Variants in RGS22 observed in about 807,000 individuals in gnomAD.
RGS22 encodes the protein regulator of G protein signaling 22.
RGS22 carries 148 observed loss-of-function variants against 172.9 expected under a neutral mutation model. That is an observed-to-expected ratio of 0.86 (90% CI 0.75 to 0.98). RGS22 has a LOEUF of 0.98. Ranked by LOEUF, RGS22 falls within the 50% of genes least tolerant of loss-of-function variation. RGS22 has a pLI of 0.00. For missense variants in RGS22, 1,347 were observed against 1,440.8 expected (o/e 0.93, Z 1.05); for synonymous variants, 458 against 480.2 (o/e 0.95, Z 0.60).
rs1376450644 is a variant in RGS22, at chr8:100,041,839, T to TG, written c.1900dup (p.Gln634ProfsTer4). ...TGTATAAGCGTATCTTCTATCCAGC[T>TG]GGGGCTTGAGACATTCAGAAATGTC... On this transcript the variant is annotated frameshift_variant, in exon 12 of 28. Coordinates refer to ENST00000360863, the MANE Select transcript of RGS22 (RefSeq NM_015668.5). LOFTEE classifies it high-confidence loss of function. 1 of 1,612,996 alleles carries TG rather than the reference T, an allele frequency of 6.2e-7. No homozygotes were observed. Among genetic ancestry groups the TG allele is most frequent in the South Asian group, 1.1e-5 (1 of 91,052 alleles).
chr8:99,976,537 A>AT (rs1399524379), intron 23 of RGS22, among the ~76,000 whole-genome samples: 3 of 151,910 alleles, frequency 2.0e-5, no homozygotes, highest in Non-Finnish European at 4.4e-5. Flanking sequence ...AATTTTTTGT[A>AT]TTTTTAGTAG....
At chr8:100,011,589 G>A (rs1417438668) in intron 14 of RGS22, among the ~76,000 whole-genome samples, 1 of 152,112 alleles carries the variant, frequency 6.6e-6, no homozygotes, top group East Asian at 1.9e-4. Context: ...AGGAGACAAG[G>A]ATTATAGTTC....
At position 100,002,106 on chromosome 8, in the gene RGS22, A is replaced by C. The variant is rs990012525; in HGVS notation, c.2790+96T>G. The stretch of plus-strand genomic sequence containing the variant: ...TTAACACATTAGTCATAAGCAAAAG[A>C]AAATAAAATAAGAGACTTTCAGGTT... On this transcript the variant is annotated intron_variant, in intron 18 of 27. Coordinates refer to ENST00000360863, the MANE Select transcript of RGS22 (RefSeq NM_015668.5). 3.2e-6 allele frequency: 3 copies of C among 945,338 alleles called. No individual in the cohort carries two copies. In the African/African-American group the frequency reaches 5.0e-5, roughly 16 times the overall value. 58.6% of individuals were successfully genotyped at this position (945,338 alleles called of 1,614,324 possible). A position where few individuals can be genotyped will look rare whatever the true frequency, so the allele number is the denominator to read the frequency against.
At chr8:100,042,439 C>G (rs1184859331) in intron 11 of RGS22, among the ~76,000 whole-genome samples, 1 of 152,088 alleles carries the variant, frequency 6.6e-6, no homozygotes, top group East Asian at 1.9e-4. Context: ...TACTACATAC[C>G]AAACACTGTG....
At chr8:100,029,605 A>G (rs1482144813) in intron 14 of RGS22, among the ~76,000 whole-genome samples, 1 of 151,772 alleles carries the variant, frequency 6.6e-6, no homozygotes, top group African/African-American at 2.4e-5. Context: ...TGGGAGGCTG[A>G]AGCAGGAGAA....
rs189661612 is a variant in RGS22, at chr8:100,074,961, G to A, written c.340-2731C>T. ...TTTTTTTTGTATTTTTGGTAGAGAC[G>A]GAGTTTCACCATGTTAGCCAGGATG... On this transcript the variant is annotated intron_variant, in intron 4 of 27. Transcript: ENST00000360863. Among the ~76,000 whole-genome samples, 1,005 of 152,012 alleles carry A rather than the reference G, an allele frequency of 6.6e-3. 14 individuals are homozygous for A. The highest frequency in any genetic ancestry group is 0.022 in the African/African-American group (923 of 41,440).
intron 14 of RGS22, among the ~76,000 whole-genome samples, chr8:100,015,621 A>T (rs751411525): frequency 6.6e-6 from 1 of 152,078 alleles, no homozygotes; most frequent in African/African-American, 2.4e-5. Flanking sequence ...TATACCATTC[A>T]TAGTATAATT....
chr8:100,050,569 G>A (rs1487953005), intron 10 of RGS22, among the ~76,000 whole-genome samples: 1 of 152,178 alleles, frequency 6.6e-6, no homozygotes, highest in Admixed American at 6.5e-5. Context: ...CCAAGAGGTT[G>A]TATGTGACTA....
intron 14 of RGS22, among the ~76,000 whole-genome samples, chr8:100,018,567 G>A (rs1337121377): frequency 1.3e-5 from 2 of 152,072 alleles, no homozygotes; most frequent in Non-Finnish European, 2.9e-5. Flanking sequence ...GACATTGTTG[G>A]GGGAAAAAGT....
intron 11 of RGS22, 26 bp from the exon 12 acceptor site, chr8:100,041,942 A>G (rs771757154): frequency 1.4e-6 from 2 of 1,444,146 alleles, no homozygotes; most frequent in Admixed American, 1.7e-5. Context: ...GAGAACTAAA[A>G]TTATAAGAAT....
chr8:100,054,981 CACAGTACAATAG>C lies in RGS22; in HGVS notation c.1515-2017_1515-2006del, dbSNP rs1320231626. On this transcript the variant is annotated intron_variant, in intron 9 of 27. Coordinates refer to ENST00000360863, the MANE Select transcript of RGS22 (RefSeq NM_015668.5). ...GTTATGCTTTGAGTGTCAGCTCAGC[CACAGTACAATAG>C]AACACCAGGTAGACTTCTAAGGTGC... Among the ~76,000 whole-genome samples the C allele has an allele frequency of 2.6e-5, 4 of 152,152 alleles. No homozygotes were observed. The East Asian group carries it at 7.7e-4, about 29-fold the overall frequency.
chr8:100,070,048 ACAAAAC>A (rs1810849896), intron 6 of RGS22, among the ~76,000 whole-genome samples: 8 of 118,476 alleles, frequency 6.8e-5, no homozygotes, highest in African/African-American at 1.4e-4. Flanking sequence ...AAAAAAAAAA[ACAAAAC>A]AAAACTAGGA....
intron 23 of RGS22, among the ~76,000 whole-genome samples, chr8:99,968,059 G>T (rs2131104478): frequency 6.6e-6 from 1 of 152,296 alleles, no homozygotes; most frequent in South Asian, 2.1e-4. Flanking sequence ...TTTTTGTTCT[G>T]CAGCCTCTGC....
At chr8:100,042,512 T>C (rs1215832547) in intron 11 of RGS22, among the ~76,000 whole-genome samples, 1 of 152,224 alleles carries the variant, frequency 6.6e-6, no homozygotes, top group Admixed American at 6.5e-5. Context: ...GGGAATTATA[T>C]AGATTAGTTT....
At chr8:99,974,923 G>A (rs543102823) in intron 23 of RGS22, among the ~76,000 whole-genome samples, 7 of 152,086 alleles carry the variant, frequency 4.6e-5, no homozygotes, top group South Asian at 2.1e-4. Flanking sequence ...CAAGGTGGGC[G>A]GATTACTTGA....
At position 100,105,829 on chromosome 8, in the gene RGS22, G is replaced by A. The variant is rs540941359; in HGVS notation, c.25+68C>T. The A allele has an allele frequency of 2.2e-6, 3 of 1,385,166 alleles. No homozygotes were observed. In the Admixed American group the frequency reaches 7.3e-5, roughly 34 times the overall value. The allele number at this position is 1,385,166 out of a possible 1,614,324, so 85.8% of individuals were successfully genotyped here. A position where few individuals can be genotyped will look rare whatever the true frequency, so the allele number is the denominator to read the frequency against. On this transcript the variant is annotated intron_variant, in intron 1 of 27. Transcript: ENST00000360863. ...CTAGGAGGGCAGGAGGTAAAGTCCA[G>A]AGGCTGGCGCGTGGTGCGGCCCCGA...
intron 4 of RGS22, among the ~76,000 whole-genome samples, chr8:100,078,532 T>G (rs1015538428): frequency 6.6e-6 from 1 of 151,896 alleles, no homozygotes; most frequent in African/African-American, 2.4e-5. Flanking sequence ...ATGTGTCCCA[T>G]ATGTTCTTTG....
intron 23 of RGS22, among the ~76,000 whole-genome samples, chr8:99,974,290 G>A (rs1416332647): frequency 6.6e-6 from 1 of 151,982 alleles, no homozygotes; most frequent in Non-Finnish European, 1.5e-5. Context: ...GTTGGGGAGG[G>A]GTGATTTTAT....
intron 3 of RGS22, among the ~76,000 whole-genome samples, chr8:100,089,816 C>T (rs1812437477): frequency 6.6e-6 from 1 of 152,090 alleles, no homozygotes. Flanking sequence ...ATTCTCTTAT[C>T]CAAATCATTA....
Sources: allele counts gnomAD v4.1 joint callset (sites outside exome capture counted in the v4.1 genomes callset), GRCh38; gene constraint gnomAD v4.1.1; transcripts MANE v1.5; gene names NCBI Gene and HGNC (gene_info 2026-07-23, HGNC 2026-07-21).